DYTN: variants seen among roughly 807,000 people sequenced by gnomAD.
The protein encoded by DYTN is dystrotelin.
Under a neutral mutation model 69.6 loss-of-function variants are expected in DYTN, and 75 were observed. That is an observed-to-expected ratio of 1.08 (90% CI 0.89 to 1.31). DYTN has a LOEUF of 1.31. Among genes scored for constraint, DYTN ranks in the 50% most tolerant of loss-of-function variants. The probability of loss-of-function intolerance (pLI) is 0.00; values close to 1 mark genes in which losing one functional copy is unlikely to be tolerated. For missense variants in DYTN, 726 were observed against 688.4 expected (o/e 1.05, Z -0.61); for synonymous variants, 252 against 249.1 (o/e 1.01, Z -0.11).
intron 11 of DYTN, among the ~76,000 whole-genome samples, chr2:206,655,864 A>G (rs1405050613): frequency 1.3e-5 from 2 of 152,180 alleles, no homozygotes; most frequent in Non-Finnish European, 2.9e-5. Context: ...GCATGATTTC[A>G]ATGTTCTTAA....
At chr2:206,659,259 C>T (rs1339429285) in intron 11 of DYTN, among the ~76,000 whole-genome samples, 1 of 149,316 alleles carries the variant, frequency 6.7e-6, no homozygotes, top group East Asian at 2.0e-4. Flanking sequence ...GCAAGCTCCG[C>T]CTCCTGGGTT....
At chr2:206,654,679 A>G (rs546962522) in intron 11 of DYTN, among the ~76,000 whole-genome samples, 2 of 152,294 alleles carry the variant, frequency 1.3e-5, no homozygotes, top group African/African-American at 4.8e-5. Flanking sequence ...CTATTCCAGT[A>G]AACACTTCTA....
chr2:206,662,363 A>G (rs1355463759), intron 11 of DYTN, among the ~76,000 whole-genome samples: 1 of 152,196 alleles, frequency 6.6e-6, no homozygotes, highest in Non-Finnish European at 1.5e-5. Context: ...ATAACAAAAT[A>G]CCCTAATGAG....
intron 5 of DYTN, 23 bp from the exon 6 acceptor site, chr2:206,700,239 A>G (rs1699963228): frequency 6.2e-7 from 1 of 1,612,948 alleles, no homozygotes; most frequent in East Asian, 2.2e-5. Flanking sequence ...ACCTCATCTT[A>G]GCTGTTAGAA....
intron 9 of DYTN, among the ~76,000 whole-genome samples, chr2:206,675,040 G>A (rs13382202): frequency 0.14 from 20,762 of 150,286 alleles, 2,390 homozygotes; most frequent in African/African-American, 0.31. Context: ...TGAAAGATGT[G>A]GAGTCTTTCA....
At chr2:206,663,969 CA>C (rs1410109721) in intron 10 of DYTN, among the ~76,000 whole-genome samples, 1 of 151,774 alleles carries the variant, frequency 6.6e-6, no homozygotes, top group Admixed American at 6.6e-5. Context: ...ACTGATGATG[CA>C]AAATCAATAA....
At chr2:206,659,391 G>A (rs1699482630) in intron 11 of DYTN, among the ~76,000 whole-genome samples, 1 of 144,632 alleles carries the variant, frequency 6.9e-6, no homozygotes, top group Non-Finnish European at 1.5e-5. Flanking sequence ...AGCCAGGATG[G>A]TATCGATCTC....
At position 206,700,212 on chromosome 2, in the gene DYTN, G is replaced by A; in HGVS notation, c.488C>T (p.Pro163Leu). Residue 163 changes from proline to leucine, a missense_variant, in exon 6 of 12, where the codon CCA (proline) becomes CTA (leucine). Pro to Leu is a moderately conservative substitution (Grantham distance 98). Transcript: ENST00000452335. Reference protein sequence around the residue: ...RKLLTDLQQIPTFVGESRALC... With the variant: ...RKLLTDLQQILTFVGESRALC... ...AGCACGACTCTCTCCCACGAAAGTT[G>A]GGATCTGCAAGAGACAACCTCATCT... 1.2e-6 allele frequency: 2 copies of A among 1,613,844 alleles called. No individual in the cohort carries two copies. Among genetic ancestry groups the A allele is most frequent in the Non-Finnish European group, 1.7e-6 (2 of 1,179,762 alleles).
chr2:206,667,751 G>A (rs1363743407), intron 9 of DYTN, among the ~76,000 whole-genome samples: 1 of 151,152 alleles, frequency 6.6e-6, no homozygotes, highest in Non-Finnish European at 1.5e-5. Context: ...TTCTGGATCA[G>A]GCCTAAAATA....
In DYTN at chr2:206,694,787, AG is replaced by A. The variant is rs1359148818; in HGVS notation, c.809del (p.Pro270LeufsTer46). The A allele has an allele frequency of 1.2e-6, 2 of 1,608,536 alleles. No homozygotes were observed. Among genetic ancestry groups the A allele is most frequent in the Non-Finnish European group, 1.7e-6 (2 of 1,178,482 alleles). The part of the protein sequence containing the change: ...LHSKSHQKSH[P>X]VIEHCIQMSA... ...TTACCTGAATGCAGTGCTCAATGAC[AG>A]GATGAGACTTCTGATGGGACTTGCT... On this transcript the variant is annotated frameshift_variant, in exon 8 of 12. Coordinates refer to ENST00000452335, the MANE Select transcript of DYTN (RefSeq NM_001093730.1). LOFTEE classifies it high-confidence loss of function.
chr2:206,658,433 A>G (rs566501678), intron 11 of DYTN, among the ~76,000 whole-genome samples: 4 of 151,190 alleles, frequency 2.6e-5, no homozygotes, highest in South Asian at 2.1e-4. Flanking sequence ...AAAAATAACT[A>G]TCTCTCTTAG....
chr2:206,668,126 A>G (rs1441483742), intron 9 of DYTN, among the ~76,000 whole-genome samples: 1 of 152,186 alleles, frequency 6.6e-6, no homozygotes, highest in African/African-American at 2.4e-5. Context: ...CACAGCCAAC[A>G]ACAAAAAAAC....
chr2:206,663,440 T>G (rs1416026935), intron 10 of DYTN, 45 bp from the exon 11 acceptor site: 1 of 1,496,456 alleles, frequency 6.7e-7, no homozygotes, highest in East Asian at 2.3e-5. Flanking sequence ...ATGTTTATCT[T>G]ACTTTTTCAT....
intron 9 of DYTN, among the ~76,000 whole-genome samples, chr2:206,675,755 T>C (rs930448291): frequency 2.2e-4 from 34 of 152,098 alleles, no homozygotes; most frequent in African/African-American, 8.0e-4. Context: ...TACAACCCCA[T>C]CAAAAAGTGG....
intron 9 of DYTN, among the ~76,000 whole-genome samples, chr2:206,681,659 T>A (rs6730817): frequency 0.087 from 13,187 of 152,152 alleles, 1,918 homozygotes; most frequent in African/African-American, 0.3. Flanking sequence ...AGTGGCTCTG[T>A]TTATGTGATG....
chr2:206,713,862 T>C lies in DYTN; in HGVS notation c.20-3264A>G, dbSNP rs115595692. Among the ~76,000 whole-genome samples, 1,451 of 152,308 alleles carry C rather than the reference T, an allele frequency of 9.5e-3. 17 individuals carry two copies. The highest frequency in any genetic ancestry group is 0.029 in the African/African-American group (1,203 of 41,564). The stretch of plus-strand genomic sequence containing the variant: ...GAAGAAGTCTTGAGGAAAATGAAAC[T>C]ACTTTCAAATGTAATGTCAGCCGAT... On this transcript the variant is annotated intron_variant, in intron 1 of 11. Coordinates refer to ENST00000452335, the MANE Select transcript of DYTN (RefSeq NM_001093730.1).
chr2:206,678,226 G>T (rs538392920), intron 9 of DYTN, among the ~76,000 whole-genome samples: 1 of 152,180 alleles, frequency 6.6e-6, no homozygotes, highest in Admixed American at 6.6e-5. Context: ...ATTTCACTCT[G>T]AGTCAGAGAA....
intron 9 of DYTN, among the ~76,000 whole-genome samples, chr2:206,672,005 C>T (rs574958228): frequency 6.6e-6 from 1 of 152,286 alleles, no homozygotes; most frequent in African/African-American, 2.4e-5. Context: ...TAGACACTAT[C>T]CATTTGCCCC....
chr2:206,691,655 T>G (rs1373001346), intron 9 of DYTN, among the ~76,000 whole-genome samples: 1 of 152,200 alleles, frequency 6.6e-6, no homozygotes, highest in Non-Finnish European at 1.5e-5. Context: ...ATATCCAAAT[T>G]ATCTAACTTT....
Sources: gnomAD v4.1 joint callset for allele counts (sites outside exome capture counted in the v4.1 genomes callset) on GRCh38, gnomAD v4.1.1 for gene constraint, MANE v1.5 for transcripts, NCBI Gene and HGNC (gene_info 2026-07-23, HGNC 2026-07-21) for gene names.